Variants in KCNQ5 observed in about 807,000 individuals in gnomAD.
The protein encoded by KCNQ5 is potassium voltage-gated channel subfamily Q member 5.
A neutral mutation model predicts 98.2 loss-of-function variants in KCNQ5; 30 were observed. That is an observed-to-expected ratio of 0.31 (90% CI 0.23 to 0.41). The LOEUF is 0.41. Among genes scored for constraint, KCNQ5 ranks in the 10% least tolerant of loss-of-function variants. The probability of loss-of-function intolerance (pLI) is 1.00; values close to 1 mark genes in which losing one functional copy is unlikely to be tolerated. For missense variants in KCNQ5, 835 were observed against 1,182.5 expected, an observed-to-expected ratio of 0.71 and a Z score of 4.31; for synonymous variants, 458 against 449.4, an observed-to-expected ratio of 1.02 and a Z score of -0.24.
chr6:73,077,953 A>G (rs1014917135), intron 5 of KCNQ5, 66 bp downstream of exon 5: 32 of 1,250,428 alleles, frequency 2.6e-5, no homozygotes, highest in Non-Finnish European at 3.6e-5. Flanking sequence ...ATACAACGTA[A>G]TGGTTCCTAT....
intron 3 of KCNQ5, among the ~76,000 whole-genome samples, chr6:73,050,010 G>A (rs1772146086): frequency 6.6e-6 from 1 of 151,806 alleles, no homozygotes; most frequent in Admixed American, 6.6e-5. Context: ...GCAACATAAT[G>A]AGACCCTATC....
chr6:72,831,206 T>A (rs1057465115), intron 1 of KCNQ5, among the ~76,000 whole-genome samples: 2 of 152,200 alleles, frequency 1.3e-5, no homozygotes, highest in Non-Finnish European at 2.9e-5. Context: ...AAATACCATT[T>A]CACCCAGCCA....
intron 1 of KCNQ5, among the ~76,000 whole-genome samples, chr6:72,857,141 G>C (rs1160727365): frequency 6.6e-6 from 1 of 152,148 alleles, no homozygotes; most frequent in African/African-American, 2.4e-5. Context: ...CCAACAGAAA[G>C]ATATATGACT....
intron 11 of KCNQ5, among the ~76,000 whole-genome samples, chr6:73,184,362 G>T (rs1260411149): frequency 6.6e-6 from 1 of 152,168 alleles, no homozygotes; most frequent in Non-Finnish European, 1.5e-5. Context: ...TTTTACTTTA[G>T]AAAGTTTTTT....
At chr6:72,928,134 T>C (rs6453611) in intron 1 of KCNQ5, among the ~76,000 whole-genome samples, 152,152 of 152,196 alleles carry the variant, frequency 1, 76,054 homozygotes, top group Non-Finnish European at 1. Flanking sequence ...GAAACCCGTG[T>C]TTTCATGTTC....
chr6:72,728,312 A>G (rs1770389695), intron 1 of KCNQ5, among the ~76,000 whole-genome samples: 1 of 152,214 alleles, frequency 6.6e-6, no homozygotes, highest in Admixed American at 6.5e-5. Flanking sequence ...AATCATAAGT[A>G]TGAAATCAAG....
At chr6:73,105,812 A>G (rs550413490) in intron 6 of KCNQ5, among the ~76,000 whole-genome samples, 1 of 152,282 alleles carries the variant, frequency 6.6e-6, no homozygotes, top group South Asian at 2.1e-4. Flanking sequence ...GGTGTTAAAC[A>G]TGTCAGATGA....
chr6:72,837,398 A>G (rs1233680382), intron 1 of KCNQ5, among the ~76,000 whole-genome samples: 1 of 152,208 alleles, frequency 6.6e-6, no homozygotes, highest in East Asian at 1.9e-4. Context: ...ATCTGAATCC[A>G]GATAATTGTT....
intron 10 of KCNQ5, among the ~76,000 whole-genome samples, chr6:73,137,607 C>T (rs1275967684): frequency 6.6e-6 from 1 of 152,094 alleles, no homozygotes; most frequent in East Asian, 1.9e-4. Context: ...TGAATTCTTC[C>T]CATTGGCATG....
intron 1 of KCNQ5, among the ~76,000 whole-genome samples, chr6:72,965,859 T>C (rs545620166): frequency 6.6e-6 from 1 of 152,334 alleles, no homozygotes; most frequent in East Asian, 1.9e-4. Context: ...GAGGATCTGC[T>C]GCACATTTTT....
intron 1 of KCNQ5, among the ~76,000 whole-genome samples, chr6:72,772,794 C>T (rs1772965221): frequency 6.6e-6 from 1 of 152,146 alleles, no homozygotes; most frequent in African/African-American, 2.4e-5. Context: ...AAAATAACAG[C>T]ACCACCCTTT....
At chr6:72,960,464 C>T (rs1007424999) in intron 1 of KCNQ5, among the ~76,000 whole-genome samples, 1 of 152,096 alleles carries the variant, frequency 6.6e-6, no homozygotes, top group Non-Finnish European at 1.5e-5. Context: ...GAGTCTCACG[C>T]TGTCACCCAG....
intron 1 of KCNQ5, among the ~76,000 whole-genome samples, chr6:72,900,630 T>G (rs994535236): frequency 6.6e-6 from 1 of 151,278 alleles, no homozygotes; most frequent in African/African-American, 2.4e-5. Flanking sequence ...GCAAGTATCT[T>G]TTTCGCATAA....
At chr6:72,836,816 A>G (rs1274606701) in intron 1 of KCNQ5, among the ~76,000 whole-genome samples, 1 of 152,154 alleles carries the variant, frequency 6.6e-6, no homozygotes, top group South Asian at 2.1e-4. Context: ...AAGTGGTGAG[A>G]TTTTGAGAGC....
At chr6:72,857,461 TCTAATGTCGG>T (rs1777580250) in intron 1 of KCNQ5, among the ~76,000 whole-genome samples, 3 of 152,202 alleles carry the variant, frequency 2.0e-5, no homozygotes, top group African/African-American at 7.2e-5. Flanking sequence ...ACTATATGCT[TCTAATGTCGG>T]TATATTTTAC....
intron 1 of KCNQ5, among the ~76,000 whole-genome samples, chr6:72,961,255 A>G (rs1484923056): frequency 1.3e-5 from 2 of 152,230 alleles, no homozygotes; most frequent in Non-Finnish European, 2.9e-5. Context: ...CAAAATACAC[A>G]TTTATAATCA....
chr6:72,899,505 T>TAC (rs1779391483), intron 1 of KCNQ5, among the ~76,000 whole-genome samples: 1 of 152,222 alleles, frequency 6.6e-6, no homozygotes, highest in Non-Finnish European at 1.5e-5. Context: ...AATAGATTTA[T>TAC]ACACACATTC....
At chr6:72,738,423 T>C (rs1255302515) in intron 1 of KCNQ5, among the ~76,000 whole-genome samples, 3 of 152,046 alleles carry the variant, frequency 2.0e-5, no homozygotes, top group Non-Finnish European at 4.4e-5. Context: ...ATTAAAATAT[T>C]ATATTACACT....
chr6:72,979,951 G>GT (rs1476897468), intron 1 of KCNQ5, among the ~76,000 whole-genome samples: 1 of 152,100 alleles, frequency 6.6e-6, no homozygotes, highest in East Asian at 1.9e-4. Flanking sequence ...CCCATTTCTT[G>GT]TTTTTGTCAG....
Sources: allele counts gnomAD v4.1 joint callset (sites outside exome capture counted in the v4.1 genomes callset), GRCh38; gene constraint gnomAD v4.1.1; transcripts MANE v1.5; gene names NCBI Gene and HGNC (gene_info 2026-07-23, HGNC 2026-07-21).